The following FNBP4 variants were observed in gnomAD, a reference collection of about 807,000 sequenced individuals.
FNBP4 encodes formin binding protein 4.
Under a neutral mutation model 119.3 loss-of-function variants are expected in FNBP4, and 34 were observed. The observed-to-expected ratio is 0.28, with a 90% CI of 0.22 to 0.38. The LOEUF (loss-of-function observed/expected upper bound fraction) is 0.38, where lower values mean the gene tolerates loss of function less well. Ranked by LOEUF, FNBP4 falls within the 10% of genes least tolerant of loss-of-function variation. The pLI, the probability that FNBP4 is intolerant of heterozygous loss-of-function variation, is 1.00. For synonymous variants in FNBP4, 462 were observed against 430.6 expected (o/e 1.07, Z -0.90); for missense variants, 1,112 against 1,228.9 (o/e 0.90, Z 1.42).
Position 47,724,645 on chromosome 11 carries a change from G to A in FNBP4, c.2142C>T (p.Pro714=), listed in dbSNP as rs375822530. 45 of 1,614,046 alleles carry A rather than the reference G, an allele frequency of 2.8e-5. No individual in the cohort carries two copies. Among genetic ancestry groups the A allele is most frequent in the Admixed American group, 1.2e-4 (7 of 59,996 alleles). ...QPPLPLEMPP[P]PPPPPESPPP... is the part of the protein sequence containing the mutation. ...GAGGTGATTCTGGAGGTGGAGGTGG[G>A]GGTGGTGGCATTTCCAAGGGTAATG... The change falls in exon 13 of 17, where the codon CCC becomes CCT. Residue 714 remains proline (P), a synonymous_variant. Coordinates refer to ENST00000263773, the MANE Select transcript of FNBP4 (RefSeq NM_015308.5).
At chr11:47,761,915 C>A (rs940203053) in intron 2 of FNBP4, among the ~76,000 whole-genome samples, 2 of 151,340 alleles carry the variant, frequency 1.3e-5, no homozygotes, top group Non-Finnish European at 2.9e-5. Flanking sequence ...CTTGGCTCAC[C>A]GCAACCTCTG....
Position 47,746,952 on chromosome 11 carries a change from A to C in FNBP4, c.907-558T>G, listed in dbSNP as rs146701343. On this transcript the variant is annotated intron_variant, in intron 6 of 16. Transcript: ENST00000263773. ...CTATTCTCAGGATGTCAAAAGGCAGACTAGTAGTAAACAGAGATAGATTTA... is the reference window on the plus strand; with the variant it reads ...CTATTCTCAGGATGTCAAAAGGCAGCCTAGTAGTAAACAGAGATAGATTTA... Among the ~76,000 whole-genome samples, 138 of 152,318 alleles carry C rather than the reference A, an allele frequency of 9.1e-4. 1 individual carries two copies. The highest frequency in any genetic ancestry group is 1.7e-3 in the Non-Finnish European group (114 of 68,010).
At chr11:47,745,440 G>A (rs947826941) in intron 7 of FNBP4, among the ~76,000 whole-genome samples, 5 of 152,128 alleles carry the variant, frequency 3.3e-5, no homozygotes, top group Non-Finnish European at 5.9e-5. Flanking sequence ...GATAAGGACT[G>A]AGATACGCCC....
chr11:47,717,839 C>G (rs2097551379), intron 16 of FNBP4, among the ~76,000 whole-genome samples: 1 of 152,122 alleles, frequency 6.6e-6, no homozygotes, highest in South Asian at 2.1e-4. Context: ...ACCTCCGCCT[C>G]CCAGGTTCAA....
rs892951446 is a variant in FNBP4 at position 47,765,328 on chromosome 11, A to C, written c.255T>G (p.Val85=). ...EQEAVQEVPR[V]VQNPPKPVMT... is the part of the protein sequence containing the mutation. ...TGACTGGTTTTGGAGGATTCTGAAC[A>C]ACTCTAGGAACCTCCTGCACCGCTT... The change falls in exon 2 of 17, where the codon GTT becomes GTG. Residue 85 remains valine (V), a synonymous_variant. Coordinates refer to ENST00000263773, the MANE Select transcript of FNBP4 (RefSeq NM_015308.5). The C allele has an allele frequency of 6.2e-7, 1 of 1,611,190 alleles. No individual in the cohort carries two copies. Among genetic ancestry groups the C allele is most frequent in the African/African-American group, 1.3e-5 (1 of 74,538 alleles).
rs111677620 is a variant in FNBP4, at chr11:47,720,699, G to A, written c.2806-613C>T. On this transcript the variant is annotated intron_variant, in intron 15 of 16. Transcript: ENST00000263773. ...TGTAATTCAAAATATTGCCTTTATC[G>A]CGTCTCAGAATTACAGTGTTCCCGT... Among the ~76,000 whole-genome samples the A allele has an allele frequency of 7.3e-5, 11 of 150,450 alleles. 1 individual carries two copies. Among genetic ancestry groups the A allele is most frequent in the African/African-American group, 2.4e-4 (10 of 40,890 alleles).
chr11:47,723,442 TA>T, intron 14 of FNBP4, 126 bp from the exon 15 acceptor site: 13 of 1,429,630 alleles, frequency 9.1e-6, no homozygotes, highest in Non-Finnish European at 1.2e-5. Flanking sequence ...CTAAAAAGCA[TA>T]GCCATATTTG....
intron 12 of FNBP4, chr11:47,725,042 T>A (rs902337884): frequency 6.1e-5 from 20 of 328,006 alleles, no homozygotes; most frequent in Admixed American, 3.9e-4. Context: ...GATAAATTTA[T>A]GAACTTCATA....
At chr11:47,758,265 G>A (rs749951871) in intron 2 of FNBP4, among the ~76,000 whole-genome samples, 2 of 152,014 alleles carry the variant, frequency 1.3e-5, no homozygotes, top group African/African-American at 2.4e-5. Flanking sequence ...TGGTAGAGAC[G>A]GGGTTTTGCC....
rs759867509 is a variant in FNBP4 at position 47,765,296 on chromosome 11, G to C, written c.287C>G (p.Thr96Ser). Reference protein sequence around the residue: ...VQNPPKPVMTTRPTAVKATGG... With the variant: ...VQNPPKPVMTSRPTAVKATGG... ...TGTTGCTTTAACAGCTGTGGGTCTA[G>C]TGGTCATGACTGGTTTTGGAGGATT... The change falls in exon 2 of 17, where the codon ACT becomes AGT. Residue 96 changes from threonine (T) to serine (S), a missense_variant. Physicochemically the swap from Thr to Ser is moderately conservative, Grantham distance 58 (BLOSUM62 1). Around this residue, in one of 2 missense-constraint regions of FNBP4, gnomAD observed 286 missense variants for 240.1 expected, o/e 1.19. Coordinates refer to ENST00000263773, the MANE Select transcript of FNBP4 (RefSeq NM_015308.5). 6.2e-7 allele frequency: 1 copy of C among 1,611,872 alleles called. No homozygotes were observed. The highest frequency in any genetic ancestry group is 1.3e-5 in the African/African-American group (1 of 74,562).
In FNBP4 at chr11:47,723,107, G is replaced by C; in HGVS notation, c.2674C>G (p.Gln892Glu). The change falls in exon 15 of 17, where the codon CAG becomes GAG. Residue 892 changes from glutamine to glutamate, a missense_variant. By Grantham distance (29) the Gln-to-Glu change is conservative. Around this residue, in one of 2 missense-constraint regions of FNBP4, gnomAD observed 826 missense variants for 988.8 expected, o/e 0.84. Coordinates refer to ENST00000263773, the MANE Select transcript of FNBP4 (RefSeq NM_015308.5). Reference sequence around the variant, plus strand: ...GCGGTAGGCACAGCACCTCGGGCCTGAACTGGCTGCAATGAGGGAGCAGTC... The same window carrying C: ...GCGGTAGGCACAGCACCTCGGGCCTCAACTGGCTGCAATGAGGGAGCAGTC... Reference protein sequence around the residue: ...GVTAPSLQPVQARGAVPTATI... With the variant: ...GVTAPSLQPVEARGAVPTATI... 1 of 1,614,048 alleles carries C rather than the reference G, an allele frequency of 6.2e-7. No homozygotes were observed. The highest frequency in any genetic ancestry group is 8.5e-7 in the Non-Finnish European group (1 of 1,180,000).
rs1158148935 is a variant in FNBP4 at position 47,717,105 on chromosome 11, GTCCTCTACAGAAGTGTTATAC to G, written c.*296_*316del. On this transcript the variant is annotated 3_prime_UTR_variant, in exon 17 of 17. Transcript: ENST00000263773. ...GTTAATTCTTCACTTTTGTCAGGGA[GTCCTCTACAGAAGTGTTATAC>G]TCATGAGCCACATGTTCTTCAAGAC... 2 of 194,300 alleles carry G rather than the reference GTCCTCTACAGAAGTGTTATAC, an allele frequency of 1.0e-5. No homozygotes were observed. The highest frequency in any genetic ancestry group is 1.0e-5 in the Non-Finnish European group (1 of 95,734). 12.0% of individuals were successfully genotyped at this position (194,300 alleles called of 1,614,324 possible).
intron 2 of FNBP4, among the ~76,000 whole-genome samples, chr11:47,759,067 A>G (rs775807632): frequency 1.5e-4 from 22 of 151,038 alleles, no homozygotes; most frequent in Non-Finnish European, 2.9e-4. Flanking sequence ...TAACAGGCGC[A>G]CGCCACCACG....
Position 47,734,064 on chromosome 11 carries a change from T to C in FNBP4, c.1647A>G (p.Gln549=), listed in dbSNP as rs79878695. The C allele has an allele frequency of 1.1e-5, 18 of 1,591,744 alleles. No individual in the cohort carries two copies. Among genetic ancestry groups the C allele is most frequent in the African/African-American group, 4.1e-5 (3 of 73,260 alleles). The change falls in exon 10 of 17, where the codon CAA becomes CAG. Residue 549 remains glutamine, a synonymous_variant. Transcript: ENST00000263773. The part of the protein sequence containing the change: ...SKFEFLGINR[Q]SISNFHVLLL... ...GCAGCACATGAAAGTTGGAGATGGA[T>C]TGTCTATTAATGCCTAGAAACTCGA...
rs182119701 is a variant in FNBP4 at position 47,734,234 on chromosome 11, C to T, written c.1582-105G>A. ...ATAGATATTAGAAATATGGGTCTGC[C>T]TATAAACAGCCTTCCCCAAACAGCT... On this transcript the variant is annotated intron_variant, in intron 9 of 16. Transcript: ENST00000263773. 1,578 of 557,324 alleles carry T rather than the reference C, an allele frequency of 2.8e-3. 9 individuals carry two copies. The highest frequency in any genetic ancestry group is 2.8e-3 in the Non-Finnish European group (947 of 333,606). 34.5% of individuals were successfully genotyped at this position (557,324 alleles called of 1,614,324 possible). A position where few individuals can be genotyped will look rare whatever the true frequency, so the allele number is the denominator to read the frequency against.
rs1211664683 is a variant in FNBP4, at chr11:47,746,322, C to T, written c.979G>A (p.Ala327Thr). ...TTTATTCCCTCAGGCAATAAAGGAG[C>T]AAGCAGCGATGCTGCCACCCCTTTC... ...EKKGVAASLL[A>T]PLLPEGIKEE... The change falls in exon 7 of 17, where the codon GCT becomes ACT. Residue 327 changes from alanine to threonine, a missense_variant. Coordinates refer to ENST00000263773, the MANE Select transcript of FNBP4 (RefSeq NM_015308.5). 6.2e-7 allele frequency: 1 copy of T among 1,614,070 alleles called. No individual in the cohort carries two copies. The highest frequency in any genetic ancestry group is 1.7e-5 in the Admixed American group (1 of 60,010).
chr11:47,766,915 C>G, intron 1 of FNBP4, 154 bp downstream of exon 1: 1 of 1,339,830 alleles, frequency 7.5e-7, no homozygotes, highest in Non-Finnish European at 9.5e-7. Context: ...CCTTCTGCGG[C>G]CCGGAGCCCA....
intron 14 of FNBP4, among the ~76,000 whole-genome samples, chr11:47,723,560 G>C (rs1599159785): frequency 6.6e-6 from 1 of 152,140 alleles, no homozygotes; most frequent in East Asian, 1.9e-4. Context: ...CATATGTGCT[G>C]AACGTTTTTT....
At chr11:47,725,218 G>C (rs2097559727) in intron 12 of FNBP4, 1 of 153,650 alleles carries the variant, frequency 6.5e-6, no homozygotes, top group Non-Finnish European at 1.4e-5. Flanking sequence ...AAAGGTAATA[G>C]TCTGGAGTCT....
Sources: allele counts gnomAD v4.1 joint callset (sites outside exome capture counted in the v4.1 genomes callset), GRCh38; gene constraint gnomAD v4.1.1; regional missense constraint gnomAD v4.1.1; transcripts MANE v1.5; gene names NCBI Gene and HGNC (gene_info 2026-07-23, HGNC 2026-07-21).